Variants in NTM observed in about 807,000 individuals in gnomAD.
The protein encoded by NTM is IgLON family member 2.
In NTM, 13 loss-of-function variants were observed where a neutral mutation model predicts 42.1. That is an observed-to-expected ratio of 0.31 (90% CI 0.20 to 0.49). The LOEUF (loss-of-function observed/expected upper bound fraction) is 0.49. Among genes scored for constraint, NTM ranks in the 20% least tolerant of loss-of-function variants. NTM has a pLI of 0.99. For missense variants in NTM, 373 were observed against 452.8 expected, an observed-to-expected ratio of 0.82 and a Z score of 1.60; for synonymous variants, 187 against 179.2, an observed-to-expected ratio of 1.04 and a Z score of -0.35.
At chr11:132,169,125 C>T (rs1006590469) in intron 3 of NTM, among the ~76,000 whole-genome samples, 5 of 151,992 alleles carry the variant, frequency 3.3e-5, no homozygotes, top group African/African-American at 1.2e-4. Flanking sequence ...TGGATTTCCA[C>T]TCACTTTGGG....
intron 4 of NTM, among the ~76,000 whole-genome samples, chr11:132,288,807 G>A (rs1235136668): frequency 6.6e-6 from 1 of 152,082 alleles, no homozygotes; most frequent in Non-Finnish European, 1.5e-5. Context: ...TTTTAGTAGA[G>A]ACGGGGTTTC....
intron 1 of NTM, among the ~76,000 whole-genome samples, chr11:131,897,685 T>A (rs1044779934): frequency 2.5e-4 from 38 of 152,364 alleles, no homozygotes; most frequent in African/African-American, 8.7e-4. Context: ...ATTCTATTTA[T>A]CACCTCTTGA....
In NTM at chr11:132,165,376, C is replaced by T. The variant is rs574836248; in HGVS notation, c.400+18862C>T. The stretch of plus-strand genomic sequence containing the variant: ...TGTTCCTATAGATGCCCGTCACTCA[C>T]GATTCCCCATCTTTGCTGTCATGGC... On this transcript the variant is annotated intron_variant, in intron 3 of 8. Coordinates refer to ENST00000683400, the MANE Select transcript of NTM (RefSeq NM_001352005.2). Among the ~76,000 whole-genome samples the T allele has an allele frequency of 1.4e-4, 21 of 152,144 alleles. 1 individual carries two copies. Among genetic ancestry groups the T allele is most frequent in the Non-Finnish European group, 2.2e-4 (15 of 68,038 alleles).
intron 2 of NTM, among the ~76,000 whole-genome samples, chr11:132,091,311 G>A (rs1190240008): frequency 6.6e-6 from 1 of 152,006 alleles, no homozygotes; most frequent in African/African-American, 2.4e-5. Flanking sequence ...GGGAGGCTTA[G>A]GCAGGAGAAT....
chr11:131,383,438 A>G (rs1480227068), intron 1 of NTM, among the ~76,000 whole-genome samples: 1 of 152,236 alleles, frequency 6.6e-6, no homozygotes, highest in Non-Finnish European at 1.5e-5. Context: ...TGGAAGGAAG[A>G]TATGTTAAAG....
At chr11:132,317,863 T>A (rs528845501) in intron 7 of NTM, among the ~76,000 whole-genome samples, 2 of 152,120 alleles carry the variant, frequency 1.3e-5, no homozygotes, top group Non-Finnish European at 2.9e-5. Context: ...CTCCCTTTGC[T>A]TTGCTCATCC....
chr11:131,436,153 G>A (rs1949111658), intron 1 of NTM, among the ~76,000 whole-genome samples: 1 of 152,180 alleles, frequency 6.6e-6, no homozygotes, highest in Non-Finnish European at 1.5e-5. Context: ...GATCGTGGTG[G>A]ATAAGCTTTT....
intron 2 of NTM, among the ~76,000 whole-genome samples, chr11:131,922,666 G>A (rs1015349767): frequency 2.0e-5 from 3 of 152,038 alleles, no homozygotes; most frequent in African/African-American, 4.8e-5. Context: ...GTCTCTCCTC[G>A]GCTCTTCTGG....
At chr11:131,424,875 T>A (rs1319702662) in intron 1 of NTM, among the ~76,000 whole-genome samples, 1 of 141,990 alleles carries the variant, frequency 7.0e-6, no homozygotes, top group Non-Finnish European at 1.5e-5. Flanking sequence ...AGCTTTTTTT[T>A]TTTTTATTTT....
intron 7 of NTM, among the ~76,000 whole-genome samples, chr11:132,319,860 C>A (rs2095519992): frequency 6.6e-6 from 1 of 152,196 alleles, no homozygotes; most frequent in Admixed American, 6.5e-5. Context: ...TAACGGGAGG[C>A]ACCCCCCAGT....
chr11:131,601,373 G>A (rs1439423705), intron 1 of NTM, among the ~76,000 whole-genome samples: 1 of 152,160 alleles, frequency 6.6e-6, no homozygotes, highest in Admixed American at 6.5e-5. Flanking sequence ...GGGTCTCTCT[G>A]CATTTTAATA....
chr11:132,203,271 C>T (rs2081421788), intron 3 of NTM, among the ~76,000 whole-genome samples: 2 of 152,152 alleles, frequency 1.3e-5, no homozygotes. Context: ...TCGTATTGGT[C>T]TCTACAGGTA....
intron 2 of NTM, among the ~76,000 whole-genome samples, chr11:131,933,074 TTAAC>T (rs1165023223): frequency 5.9e-5 from 9 of 152,202 alleles, no homozygotes; most frequent in African/African-American, 2.2e-4. Context: ...TGTCAGTAAT[TTAAC>T]TAACATTTTG....
chr11:132,046,804 A>G (rs892837687), intron 2 of NTM, among the ~76,000 whole-genome samples: 5 of 152,172 alleles, frequency 3.3e-5, no homozygotes, highest in South Asian at 4.1e-4. Context: ...TTATCTATCT[A>G]TCTGTCTGTC....
chr11:131,886,244 G>A (rs929659056), intron 1 of NTM, among the ~76,000 whole-genome samples: 1 of 152,106 alleles, frequency 6.6e-6, no homozygotes, highest in Non-Finnish European at 1.5e-5. Context: ...AATGGTTCAC[G>A]CCATGAAAAC....
intron 4 of NTM, among the ~76,000 whole-genome samples, chr11:132,227,699 G>T (rs1566525189): frequency 6.6e-6 from 1 of 152,090 alleles, no homozygotes; most frequent in South Asian, 2.1e-4. Flanking sequence ...TTTTATGTGT[G>T]GCTTTTGGGT....
intron 2 of NTM, among the ~76,000 whole-genome samples, chr11:132,082,399 G>A (rs2059192383): frequency 1.3e-5 from 2 of 152,156 alleles, no homozygotes; most frequent in Non-Finnish European, 2.9e-5. Context: ...CCAGCATAAG[G>A]CATGAATTCC....
chr11:131,931,869 A>C (rs1385325345), intron 2 of NTM, among the ~76,000 whole-genome samples: 2 of 152,140 alleles, frequency 1.3e-5, no homozygotes, highest in Non-Finnish European at 2.9e-5. Flanking sequence ...GCCAAAATAC[A>C]ATAGGGAACT....
intron 1 of NTM, chr11:131,660,743 A>G: frequency 1.6e-6 from 1 of 639,304 alleles, no homozygotes; most frequent in Non-Finnish European, 2.3e-6. Context: ...AAGGAAAATC[A>G]CGAAGGGAGA....
Sources: gnomAD v4.1 joint callset for allele counts (sites outside exome capture counted in the v4.1 genomes callset) on GRCh38, gnomAD v4.1.1 for gene constraint, MANE v1.5 for transcripts, NCBI Gene and HGNC (gene_info 2026-07-23, HGNC 2026-07-21) for gene names.